Variants in ZBTB38 observed in about 807,000 individuals in gnomAD.
The protein encoded by ZBTB38 is zinc finger and BTB domain containing 38.
In ZBTB38, 20 loss-of-function variants were observed where a neutral mutation model predicts 76.8. The observed-to-expected ratio is 0.26, with a 90% CI of 0.18 to 0.38. ZBTB38 has a LOEUF of 0.38. Among genes scored for constraint, ZBTB38 ranks in the 10% least tolerant of loss-of-function variants. The pLI, the probability that ZBTB38 is intolerant of heterozygous loss-of-function variation, is 1.00. For missense variants in ZBTB38, 1,082 were observed against 1,482.3 expected (o/e 0.73, Z 4.43); for synonymous variants, 504 against 544.2 (o/e 0.93, Z 1.03).
chr3:141,426,491 C>G (rs549107892), intron 5 of ZBTB38, among the ~76,000 whole-genome samples: 1 of 152,148 alleles, frequency 6.6e-6, no homozygotes, highest in African/African-American at 2.4e-5. Context: ...GACCCAGCAC[C>G]GTCTCCAGAT....
intron 1 of ZBTB38, among the ~76,000 whole-genome samples, chr3:141,333,324 CA>C (rs1942909271): frequency 6.6e-6 from 1 of 152,114 alleles, no homozygotes; most frequent in East Asian, 1.9e-4. Flanking sequence ...AGGAAACCAG[CA>C]CGGGAGAGTC....
At position 141,444,964 on chromosome 3, in the gene ZBTB38, T is replaced by A. The variant is rs905671192; in HGVS notation, c.2576T>A (p.Phe859Tyr). 1 of 1,613,930 alleles carries A rather than the reference T, an allele frequency of 6.2e-7. No individual in the cohort carries two copies. Among genetic ancestry groups the A allele is most frequent in the Non-Finnish European group, 8.5e-7 (1 of 1,180,030 alleles). Reference sequence around the variant, plus strand: ...AGGCACATTCTAGGATCTAAATTGTTTTATAAAAGAGGGAGAAGACCCAAG... The same window carrying A: ...AGGCACATTCTAGGATCTAAATTGTATTATAAAAGAGGGAGAAGACCCAAG... ...VKRHILGSKL[F>Y]YKRGRRPKYQ... The change falls in exon 6 of 6, where the codon TTT (phenylalanine) becomes TAT (tyrosine). Residue 859 changes from phenylalanine to tyrosine, a missense_variant. By Grantham distance (22) the Phe-to-Tyr change is conservative (BLOSUM62 3). Coordinates refer to ENST00000321464, the MANE Select transcript of ZBTB38 (RefSeq NM_001376113.1). The surrounding 1 kb of genome is among the most constrained non-coding windows in gnomAD (Gnocchi z 5.1).
At chr3:141,407,820 G>A (rs1559941331) in intron 5 of ZBTB38, among the ~76,000 whole-genome samples, 2 of 152,228 alleles carry the variant, frequency 1.3e-5, no homozygotes, top group Non-Finnish European at 2.9e-5. Context: ...CTAGAGATAT[G>A]TCTATACTCA....
chr3:141,333,694 C>G (rs1942922046), intron 1 of ZBTB38, among the ~76,000 whole-genome samples: 1 of 150,100 alleles, frequency 6.7e-6, no homozygotes. Context: ...TGCATTGACC[C>G]CTTGCCTAGC....
chr3:141,334,915 A>G (rs13059582), intron 1 of ZBTB38, among the ~76,000 whole-genome samples: 3,783 of 152,342 alleles, frequency 0.025, 78 homozygotes, highest in Non-Finnish European at 0.035. Context: ...CTTTCTAAAA[A>G]TGAAAAAATG....
chr3:141,381,524 A>C (rs1352182216), intron 3 of ZBTB38, 37 bp downstream of exon 3: 1 of 152,206 alleles, frequency 6.6e-6, no homozygotes, highest in East Asian at 1.9e-4. Flanking sequence ...ACAGATGCTA[A>C]TGGATGGACG....
At chr3:141,334,206 C>G (rs1171600397) in intron 1 of ZBTB38, among the ~76,000 whole-genome samples, 1 of 129,716 alleles carries the variant, frequency 7.7e-6, no homozygotes, top group Non-Finnish European at 1.6e-5. Flanking sequence ...ATCTTTAGAT[C>G]CCTTCTCAGG....
At chr3:141,381,671 G>C (rs968834092) in intron 3 of ZBTB38, among the ~76,000 whole-genome samples, 184 bp downstream of exon 3, 4 of 152,204 alleles carry the variant, frequency 2.6e-5, no homozygotes, top group Admixed American at 2.0e-4. Flanking sequence ...CCCAGGTAGG[G>C]TGGAGCTGGT....
chr3:141,427,292 C>G (rs2076585819), intron 5 of ZBTB38, among the ~76,000 whole-genome samples: 1 of 152,128 alleles, frequency 6.6e-6, no homozygotes. Context: ...TGTCAAGTAA[C>G]TTTTAATTAC....
intron 2 of ZBTB38, 40 bp downstream of exon 2, chr3:141,369,986 T>A (rs1275923244): frequency 1.3e-5 from 2 of 152,148 alleles, no homozygotes; most frequent in African/African-American, 4.8e-5. Flanking sequence ...TAAATTTAAG[T>A]CTCCCAATTC....
Position 141,440,279 on chromosome 3 carries a change from T to C in ZBTB38, c.1-2110T>C, listed in dbSNP as rs150649639. Among the ~76,000 whole-genome samples the C allele has an allele frequency of 3.3e-4, 50 of 152,352 alleles. No individual in the cohort carries two copies. The East Asian group carries it at 8.3e-3, about 25-fold the overall frequency. On this transcript the variant is annotated intron_variant, in intron 5 of 5. Transcript: ENST00000321464. ...TAAAACAGAAACATGGTGAATATAG[T>C]GTTCTCATTATCTGAATTGAAGAAT...
rs139915086 is a variant in ZBTB38, at chr3:141,338,592, T to C, written c.-739+14136T>C. Among the ~76,000 whole-genome samples, 421 of 152,232 alleles carry C rather than the reference T, an allele frequency of 2.8e-3. 1 individual carries two copies. The highest frequency in any genetic ancestry group is 9.8e-3 in the African/African-American group (406 of 41,542). On this transcript the variant is annotated intron_variant, in intron 1 of 7. Transcript: ENST00000509842. ...CTCACTTAGAAGTGGGAGCTAAACA[T>C]TGAGTACACATGGACACAAAGAGGA... is the stretch of plus-strand genomic sequence containing the variant.
intron 5 of ZBTB38, among the ~76,000 whole-genome samples, chr3:141,425,139 T>C (rs905417063): frequency 5.3e-5 from 8 of 152,226 alleles, no homozygotes; most frequent in Middle Eastern, 3.2e-3. Context: ...TTAGCCACTG[T>C]ACCAGACTGG....
At chr3:141,406,729 G>C (rs570454527) in intron 5 of ZBTB38, among the ~76,000 whole-genome samples, 1 of 152,284 alleles carries the variant, frequency 6.6e-6, no homozygotes, top group African/African-American at 2.4e-5. Context: ...GCAGATAGAA[G>C]TCTGGCAAGA....
chr3:141,371,428 C>G (rs992383389), intron 2 of ZBTB38, among the ~76,000 whole-genome samples: 1 of 151,918 alleles, frequency 6.6e-6, no homozygotes, highest in Non-Finnish European at 1.5e-5. Context: ...TCATGGCTCA[C>G]TGCAGCCTCA....
upstream of ZBTB38, chr3:141,366,398 A>G (rs1943966278): frequency 6.6e-6 from 1 of 152,224 alleles, no homozygotes; most frequent in African/African-American, 2.4e-5. Flanking sequence ...AAAAGAATAA[A>G]CAAGTCTTCT....
upstream of ZBTB38, among the ~76,000 whole-genome samples, chr3:141,364,915 A>T (rs1488170127): frequency 2.6e-5 from 4 of 152,158 alleles, no homozygotes; most frequent in African/African-American, 9.6e-5. Context: ...GATGTGGGGA[A>T]ATCAGAACCC....
upstream of ZBTB38, chr3:141,367,255 C>G (rs1944003663): frequency 6.6e-6 from 1 of 152,268 alleles, no homozygotes; most frequent in Admixed American, 6.5e-5. Flanking sequence ...GACTCTGGCT[C>G]CCGCCGAGGT....
At chr3:141,404,430 A>G (rs1953604049) in intron 5 of ZBTB38, among the ~76,000 whole-genome samples, 1 of 152,188 alleles carries the variant, frequency 6.6e-6, no homozygotes, top group Non-Finnish European at 1.5e-5. Flanking sequence ...TTCGTTGCTC[A>G]GTCACATAGC....
Sources: gnomAD v4.1 joint callset for allele counts (sites outside exome capture counted in the v4.1 genomes callset) on GRCh38, gnomAD v4.1.1 for gene constraint, Gnocchi (gnomAD v3.1) non-coding constraint, MANE v1.5 for transcripts, NCBI Gene and HGNC (gene_info 2026-07-23, HGNC 2026-07-21) for gene names.